PAFAH1B3: variants seen among roughly 807,000 people sequenced by gnomAD.
PAFAH1B3 encodes the protein platelet activating factor acetylhydrolase 1b catalytic subunit 3.
In PAFAH1B3, 15 loss-of-function variants were observed where a neutral mutation model predicts 24.4. That is an observed-to-expected ratio of 0.62 (90% CI 0.41 to 0.95). PAFAH1B3 has a LOEUF of 0.95. Ranked by LOEUF, PAFAH1B3 falls within the 40% of genes least tolerant of loss-of-function variation. PAFAH1B3 has a pLI of 0.00. For synonymous variants in PAFAH1B3, 144 were observed against 126.5 expected (o/e 1.14, Z -0.93); for missense variants, 266 against 312.2 (o/e 0.85, Z 1.12).
At chr19:42,297,425 C>T in intron 4 of PAFAH1B3, 60 bp from the exon 5 acceptor site, 20 of 1,448,624 alleles carry the variant, frequency 1.4e-5, no homozygotes, top group Non-Finnish European at 1.8e-5. Context: ...GTTCTCTGTG[C>T]CAACCTGTCC....
intron 2 of PAFAH1B3, among the ~76,000 whole-genome samples, chr19:42,301,564 GAT>G (rs1387527720): frequency 1.3e-5 from 2 of 152,204 alleles, no homozygotes; most frequent in Admixed American, 1.3e-4. Flanking sequence ...TTTGTGGAAA[GAT>G]ATTATTATGA....
rs1198942944 is a variant in PAFAH1B3 at position 42,302,340 on chromosome 19, A to G, written c.-31T>C. 6.4e-6 allele frequency: 10 copies of G among 1,566,416 alleles called. No homozygotes were observed. Among genetic ancestry groups the G allele is most frequent in the Non-Finnish European group, 8.6e-6 (10 of 1,157,852 alleles). On this transcript the variant is annotated 5_prime_UTR_variant, in exon 1 of 5. Coordinates refer to ENST00000262890, the MANE Select transcript of PAFAH1B3 (RefSeq NM_002573.4). The stretch of plus-strand genomic sequence containing the variant: ...CGCCGCAGCTCCTGCAGGATGAGCG[A>G]GTCGGGTCGGCCCGGGAGTGTTCCG...
upstream of PAFAH1B3, chr19:42,302,692 G>C: frequency 3.8e-6 from 1 of 265,496 alleles, no homozygotes; most frequent in Non-Finnish European, 7.4e-6. Flanking sequence ...GGGGAGGGGC[G>C]AACTACCTGA....
At chr19:42,302,144 A>C in intron 1 of PAFAH1B3, 88 bp downstream of exon 1, 1 of 1,484,982 alleles carries the variant, frequency 6.7e-7, no homozygotes, top group South Asian at 1.2e-5. Context: ...TTTCCCAATC[A>C]GGTAGTGAGA....
At chr19:42,297,667 A>G (rs968915128) in intron 4 of PAFAH1B3, among the ~76,000 whole-genome samples, 1 of 147,810 alleles carries the variant, frequency 6.8e-6, no homozygotes, top group African/African-American at 2.5e-5. Flanking sequence ...TCCGCCTCCC[A>G]GGTTCACGCC....
chr19:42,299,656 C>T (rs2038587221), intron 4 of PAFAH1B3, among the ~76,000 whole-genome samples: 1 of 151,498 alleles, frequency 6.6e-6, no homozygotes, highest in African/African-American at 2.4e-5. Flanking sequence ...TCTTGATCTC[C>T]TGACCTCGTG....
At chr19:42,298,587 T>TG (rs2038572234) in intron 4 of PAFAH1B3, among the ~76,000 whole-genome samples, 1 of 152,234 alleles carries the variant, frequency 6.6e-6, no homozygotes, top group African/African-American at 2.4e-5. Flanking sequence ...CTACAAGTGA[T>TG]GGAGCCTAGA....
chr19:42,299,064 C>G (rs1354673709), intron 4 of PAFAH1B3, among the ~76,000 whole-genome samples: 4 of 151,498 alleles, frequency 2.6e-5, no homozygotes, highest in Non-Finnish European at 5.9e-5. Flanking sequence ...CCACCCTCTT[C>G]AGCCTCCCAA....
rs2038599644 is a variant in PAFAH1B3, at chr19:42,300,305, T to A, written c.169-18A>T. 1 of 1,609,386 alleles carries A rather than the reference T, an allele frequency of 6.2e-7. No individual in the cohort carries two copies. Among genetic ancestry groups the A allele is most frequent in the South Asian group, 1.1e-5 (1 of 90,978 alleles). On this transcript the variant is annotated intron_variant, in intron 2 of 4. Transcript: ENST00000262890. ...CGCCAGATCTGTGGGCAAGAAGTGG[T>A]GTGGGCAAGAAGTGGTAGGGGCACA... is the stretch of plus-strand genomic sequence containing the variant.
intron 2 of PAFAH1B3, among the ~76,000 whole-genome samples, chr19:42,301,625 A>G (rs1356791089): frequency 6.6e-6 from 1 of 152,312 alleles, no homozygotes; most frequent in African/African-American, 2.4e-5. Context: ...CGCTTCCTGT[A>G]AAGTGACTAT....
At chr19:42,299,457 C>T (rs1376417532) in intron 4 of PAFAH1B3, among the ~76,000 whole-genome samples, 1 of 149,678 alleles carries the variant, frequency 6.7e-6, no homozygotes, top group African/African-American at 2.5e-5. Context: ...CGGAGTCTCG[C>T]TCTGTCGCCC....
intron 4 of PAFAH1B3, among the ~76,000 whole-genome samples, chr19:42,299,390 T>C (rs189668939): frequency 9.0e-4 from 137 of 152,064 alleles, no homozygotes; most frequent in African/African-American, 2.0e-3. Flanking sequence ...GTGCTGGGAT[T>C]ACAGGCATGA....
At chr19:42,299,663 C>T (rs1327664518) in intron 4 of PAFAH1B3, among the ~76,000 whole-genome samples, 9 of 149,224 alleles carry the variant, frequency 6.0e-5, no homozygotes, top group African/African-American at 2.2e-4. Flanking sequence ...CTCCTGACCT[C>T]GTGATCCACC....
At position 42,301,805 on chromosome 19, in the gene PAFAH1B3, C is replaced by T. The variant is rs894016940; in HGVS notation, c.168+145G>A. On this transcript the variant is annotated intron_variant, in intron 2 of 4. Coordinates refer to ENST00000262890, the MANE Select transcript of PAFAH1B3 (RefSeq NM_002573.4). ...ATTTCTTTCTCAATAGAATGTTGCA[C>T]CTTACACCAAGATTCTCAGAGCCTC... 7 of 630,490 alleles carry T rather than the reference C, an allele frequency of 1.1e-5. No homozygotes were observed. The South Asian group carries it at 1.3e-4, about 12-fold the overall frequency. The allele number at this position is 630,490 out of a possible 1,614,324, so 39.1% of individuals were successfully genotyped here.
chr19:42,302,350 G>T lies in PAFAH1B3; in HGVS notation c.-41C>A. ...CCTGCAGGATGAGCGAGTCGGGTCG[G>T]CCCGGGAGTGTTCCGAACGGAGCTG... On this transcript the variant is annotated 5_prime_UTR_variant, in exon 1 of 5. Coordinates refer to ENST00000262890, the MANE Select transcript of PAFAH1B3 (RefSeq NM_002573.4). 6.5e-7 allele frequency: 1 copy of T among 1,540,174 alleles called. No homozygotes were observed.
At chr19:42,301,290 C>T (rs949560635) in intron 2 of PAFAH1B3, among the ~76,000 whole-genome samples, 5 of 152,126 alleles carry the variant, frequency 3.3e-5, no homozygotes, top group Admixed American at 6.6e-5. Context: ...CCCAGCTACT[C>T]GGAGACTAAG....
In PAFAH1B3 at chr19:42,300,087, C is replaced by A; in HGVS notation, c.291G>T (p.Val97=). ...GGTTGTTGGTGCCCACCCAGACCAC[C>A]ACAATCTGTGGAAAAAGAGACATGA... The part of the protein sequence containing the change: ...GELEHIRPKI[V]VVWVGTNNHG... Residue 97 remains valine, a synonymous_variant, in exon 4 of 5, where the codon GTG becomes GTT. Transcript: ENST00000262890. 1 of 1,614,164 alleles carries A rather than the reference C, an allele frequency of 6.2e-7. No homozygotes were observed. The highest frequency in any genetic ancestry group is 1.1e-5 in the South Asian group (1 of 91,084).
rs1354488882 is a variant in PAFAH1B3, at chr19:42,297,199, TCATA to T, written c.571_574del (p.Tyr191IlefsTer5). On this transcript the variant is annotated frameshift_variant, in exon 5 of 5. Coordinates refer to ENST00000262890, the MANE Select transcript of PAFAH1B3 (RefSeq NM_002573.4). LOFTEE classifies it high-confidence loss of function. Reference sequence around the variant, plus strand: ...GCCCAGGCGGCTCAGATGCAGGTAATCATACATGTCATGATGGCTGATGGTGCCA... The same window carrying T: ...GCCCAGGCGGCTCAGATGCAGGTAATCATGTCATGATGGCTGATGGTGCCA... The T allele has an allele frequency of 3.7e-6, 6 of 1,614,016 alleles. No individual in the cohort carries two copies. Among genetic ancestry groups the T allele is most frequent in the Non-Finnish European group, 5.1e-6 (6 of 1,180,000 alleles).
chr19:42,302,351 C>A lies in PAFAH1B3; in HGVS notation c.-42G>T. The A allele has an allele frequency of 6.5e-7, 1 of 1,541,754 alleles. No homozygotes were observed. On this transcript the variant is annotated 5_prime_UTR_variant, in exon 1 of 5. Transcript: ENST00000262890. ...CTGCAGGATGAGCGAGTCGGGTCGG[C>A]CCGGGAGTGTTCCGAACGGAGCTGG...
Sources: gnomAD v4.1 joint callset for allele counts (sites outside exome capture counted in the v4.1 genomes callset) on GRCh38, gnomAD v4.1.1 for gene constraint, MANE v1.5 for transcripts, NCBI Gene and HGNC (gene_info 2026-07-23, HGNC 2026-07-21) for gene names.